Variants in DNAH2 observed in about 807,000 individuals in gnomAD.
The protein encoded by DNAH2 is dynein axonemal heavy chain 2.
A neutral mutation model predicts 523.5 loss-of-function variants in DNAH2; 323 were observed. That is an observed-to-expected ratio of 0.62 (90% CI 0.56 to 0.68). The LOEUF is 0.68. Among genes scored for constraint, DNAH2 ranks in the 30% least tolerant of loss-of-function variants. The pLI is 0.00. For missense variants in DNAH2, 4,907 were observed against 5,701.5 expected (o/e 0.86, Z 4.49); for synonymous variants, 2,093 against 2,177.4 (o/e 0.96, Z 1.08).
chr17:7,761,556 T>G lies in DNAH2; in HGVS notation c.2978+624T>G, dbSNP rs1268333804. On this transcript the variant is annotated intron_variant, in intron 18 of 85. Transcript: ENST00000572933. ...TCTCACTCTGTCATCCACGCTGGAG[T>G]GCAGTGCAACCTCTGCCTCCCGGGT... is the stretch of plus-strand genomic sequence containing the variant. 2.0e-5 allele frequency among the ~76,000 whole-genome samples: 3 copies of G among 150,956 alleles called. No individual in the cohort carries two copies. The East Asian group carries it at 5.8e-4, about 29-fold the overall frequency.
At chr17:7,759,226 GT>G in intron 15 of DNAH2, 102 bp downstream of exon 15, 1 of 1,525,552 alleles carries the variant, frequency 6.6e-7, no homozygotes, top group African/African-American at 1.4e-5. Flanking sequence ...TTTTTTACCA[GT>G]GTGTACTTCT....
Position 7,830,498 on chromosome 17 carries a change from A to C in DNAH2, c.12045+7A>C. On this transcript the variant is annotated splice_region_variant and intron_variant, in intron 78 of 85. Transcript: ENST00000572933. ...CAATGACTCCGACTTTGAGGTTTGC[A>C]TTAGCCAGGGGTCCTCATCCCAGCC... 1 of 1,613,898 alleles carries C rather than the reference A, an allele frequency of 6.2e-7. No homozygotes were observed. The highest frequency in any genetic ancestry group is 8.5e-7 in the Non-Finnish European group (1 of 1,179,846).
intron 12 of DNAH2, among the ~76,000 whole-genome samples, chr17:7,748,628 G>A (rs2075582592): frequency 6.6e-6 from 1 of 151,906 alleles, no homozygotes; most frequent in Admixed American, 6.6e-5. Flanking sequence ...CCTGAGTACT[G>A]GGAACACAGG....
At position 7,733,146 on chromosome 17, in the gene DNAH2, C is replaced by T. The variant is rs752279384; in HGVS notation, c.459C>T (p.Asn153=). The T allele has an allele frequency of 1.9e-6, 3 of 1,614,212 alleles. No individual in the cohort carries two copies. Among genetic ancestry groups the T allele is most frequent in the South Asian group, 1.1e-5 (1 of 91,080 alleles). ...RQAPVPITWE[N]FEATVQFGTV... is the part of the protein sequence containing the mutation. The stretch of plus-strand genomic sequence containing the variant: ...CACCAGTTCCCATCACCTGGGAGAA[C>T]TTCGAGGCAACTGTGCAGTTTGGGA... Residue 153 remains asparagine (N), a synonymous_variant, in exon 5 of 86, where the codon AAC becomes AAT. Transcript: ENST00000572933.
intron 4 of DNAH2, among the ~76,000 whole-genome samples, chr17:7,727,862 G>A (rs936578971): frequency 6.6e-6 from 1 of 152,002 alleles, no homozygotes; most frequent in Non-Finnish European, 1.5e-5. Context: ...AGCTTTATAG[G>A]AGCGTTATGG....
chr17:7,804,534 A>C (rs1597719336), intron 59 of DNAH2, 68 bp downstream of exon 59: 2 of 1,536,022 alleles, frequency 1.3e-6, no homozygotes, highest in Non-Finnish European at 1.8e-6. Context: ...CAGGGAACCC[A>C]TGTTCCCCCC....
chr17:7,792,624 G>A, intron 46 of DNAH2, 33 bp from the exon 47 acceptor site: 1 of 1,574,222 alleles, frequency 6.4e-7, no homozygotes, highest in African/African-American at 1.3e-5. Context: ...GTGGGCGGCT[G>A]GTCCTTGAGA....
Position 7,759,048 on chromosome 17 carries a change from A to C in DNAH2, c.2372A>C (p.Lys791Thr), listed in dbSNP as rs551101554. The C allele has an allele frequency of 2.5e-5, 41 of 1,614,174 alleles. 1 individual carries two copies. The South Asian group carries it at 4.4e-4, about 17-fold the overall frequency. Reference protein sequence around the residue: ...QREHRAAVQQKLMNLHQDVVT... With the variant: ...QREHRAAVQQTLMNLHQDVVT... ...GAGCATCGGGCAGCTGTACAGCAGA[A>C]ATTGATGAACCTGCACCAGGATGTG... The change falls in exon 15 of 86, where the codon AAA becomes ACA. Residue 791 changes from lysine (K) to threonine (T), a missense_variant. By Grantham distance (78) the Lys-to-Thr change is moderately conservative (BLOSUM62 -1). Around this residue, in one of 3 missense-constraint regions of DNAH2, gnomAD observed 2,806 missense variants for 3,190.8 expected, o/e 0.88. Transcript: ENST00000572933.
chr17:7,775,514 C>T (rs1176587763), intron 30 of DNAH2, among the ~76,000 whole-genome samples, 172 bp downstream of exon 30: 1 of 151,950 alleles, frequency 6.6e-6, no homozygotes, highest in African/African-American at 2.4e-5. Flanking sequence ...GGAGAAACCC[C>T]GTTTCTGCTA....
chr17:7,774,936 A>G lies in DNAH2; in HGVS notation c.4679A>G (p.Lys1560Arg), dbSNP rs75994014. 3 of 1,614,204 alleles carry G rather than the reference A, an allele frequency of 1.9e-6. No individual in the cohort carries two copies. The highest frequency in any genetic ancestry group is 1.7e-5 in the Admixed American group (1 of 60,026). Reference sequence around the variant, plus strand: ...CCAGAGGCTGTGCAGCCACACCTCAAAAAATGCTTTGACAACATCAAGTTG... The same window carrying G: ...CCAGAGGCTGTGCAGCCACACCTCAGAAAATGCTTTGACAACATCAAGTTG... Reference protein sequence around the residue: ...RNPEAVQPHLKKCFDNIKLLR... With the variant: ...RNPEAVQPHLRKCFDNIKLLR... Residue 1560 changes from lysine (K) to arginine (R), a missense_variant, in exon 29 of 86, where the codon AAA becomes AGA. This residue lies in a region of DNAH2 where 2,806 missense variants were observed against 3,190.8 expected (regional missense o/e 0.88). Coordinates refer to ENST00000572933, the MANE Select transcript of DNAH2 (RefSeq NM_020877.5).
intron 32 of DNAH2, 66 bp from the exon 33 acceptor site, chr17:7,777,380 C>T: frequency 3.2e-6 from 5 of 1,577,654 alleles, no homozygotes; most frequent in Non-Finnish European, 4.3e-6. Context: ...TGGGTAGGGG[C>T]AAGGGTTGAT....
Position 7,734,265 on chromosome 17 carries a change from G to A in DNAH2, c.711G>A (p.Lys237=). The part of the protein sequence containing the change: ...AMNMKPEMVI[K]DKELVQRLET... Reference sequence around the variant, plus strand: ...ACATGAAGCCTGAGATGGTGATAAAGGACAAAGAGCTGGTGCAACGGCTAG... The same window carrying A: ...ACATGAAGCCTGAGATGGTGATAAAAGACAAAGAGCTGGTGCAACGGCTAG... The change falls in exon 6 of 86, where the codon AAG becomes AAA. Residue 237 remains lysine, a synonymous_variant. Coordinates refer to ENST00000572933, the MANE Select transcript of DNAH2 (RefSeq NM_020877.5). 6.2e-7 allele frequency: 1 copy of A among 1,607,266 alleles called. No homozygotes were observed. Among genetic ancestry groups the A allele is most frequent in the Non-Finnish European group, 8.5e-7 (1 of 1,176,730 alleles).
At chr17:7,762,841 G>A (rs1386750337) in intron 18 of DNAH2, among the ~76,000 whole-genome samples, 1 of 151,624 alleles carries the variant, frequency 6.6e-6, no homozygotes, top group Non-Finnish European at 1.5e-5. Context: ...TTGTGAGGCA[G>A]GCTCTGTTAC....
chr17:7,804,827 A>G (rs2077322987), intron 59 of DNAH2, 131 bp from the exon 60 acceptor site: 3 of 757,388 alleles, frequency 4.0e-6, no homozygotes, highest in Non-Finnish European at 6.5e-6. Context: ...GCCTGGGCGA[A>G]AGAGCTAGAC....
chr17:7,818,259 T>C, intron 68 of DNAH2, 53 bp from the exon 69 acceptor site: 1 of 1,607,576 alleles, frequency 6.2e-7, no homozygotes, highest in Non-Finnish European at 8.5e-7. Flanking sequence ...GGGGATGGGT[T>C]AGCTGGTACC....
chr17:7,826,220 A>G (rs775261757), intron 77 of DNAH2, among the ~76,000 whole-genome samples: 23 of 152,214 alleles, frequency 1.5e-4, no homozygotes, highest in Non-Finnish European at 2.2e-4. Flanking sequence ...GGGTTTCACC[A>G]TGGTGGCCAG....
At chr17:7,729,613 A>T (rs1490491848) in intron 4 of DNAH2, among the ~76,000 whole-genome samples, 1 of 152,124 alleles carries the variant, frequency 6.6e-6, no homozygotes, top group Non-Finnish European at 1.5e-5. Context: ...TATTTTTAGT[A>T]GAGATGGGGT....
rs1285555822 is a variant in DNAH2 at position 7,779,555 on chromosome 17, A to C, written c.5722+132A>C. ...TAAGTGAAGTCTGGCTAAAGATAGCAAAGGGGAGAGAAGGATAAACACAAC... is the reference window on the plus strand; with the variant it reads ...TAAGTGAAGTCTGGCTAAAGATAGCCAAGGGGAGAGAAGGATAAACACAAC... On this transcript the variant is annotated intron_variant, in intron 36 of 85. Coordinates refer to ENST00000572933, the MANE Select transcript of DNAH2 (RefSeq NM_020877.5). 5.8e-6 allele frequency: 6 copies of C among 1,029,390 alleles called. No individual in the cohort carries two copies. The East Asian group carries it at 1.6e-4, about 27-fold the overall frequency. The allele number at this position is 1,029,390 out of a possible 1,614,324, so 63.8% of individuals were successfully genotyped here.
In DNAH2 at chr17:7,754,973, A is replaced by G. The variant is rs2075796231; in HGVS notation, c.1905-2118A>G. Reference sequence around the variant, plus strand: ...ACAAATAAGCCTGAGGCAGAAAAAAAAAAAAAAAGAATAGGCAGCCCAGGA... The same window carrying G: ...ACAAATAAGCCTGAGGCAGAAAAAAGAAAAAAAAGAATAGGCAGCCCAGGA... On this transcript the variant is annotated intron_variant, in intron 12 of 85. Transcript: ENST00000572933. The surrounding 1 kb of genome is among the most constrained non-coding windows in gnomAD (Gnocchi z 4.6). 9.7e-6 allele frequency: 4 copies of G among 412,708 alleles called. No homozygotes were observed. Among genetic ancestry groups the G allele is most frequent in the Non-Finnish European group, 1.7e-5 (4 of 233,020 alleles). 25.6% of individuals were successfully genotyped at this position (412,708 alleles called of 1,614,324 possible).
Sources: allele counts gnomAD v4.1 joint callset (sites outside exome capture counted in the v4.1 genomes callset), GRCh38; gene constraint gnomAD v4.1.1; regional missense constraint gnomAD v4.1.1; non-coding constraint Gnocchi (gnomAD v3.1); transcripts MANE v1.5; gene names NCBI Gene and HGNC (gene_info 2026-07-23, HGNC 2026-07-21).